The following PSMD3 variants were observed in gnomAD, a reference collection of about 807,000 sequenced individuals.
The protein encoded by PSMD3 is 26S proteasome non-ATPase regulatory subunit 3.
A neutral mutation model predicts 62.8 loss-of-function variants in PSMD3; 5 were observed. The observed-to-expected ratio is 0.08, with a 90% CI of 0.04 to 0.17. PSMD3 has a LOEUF of 0.17. Ranked by LOEUF, PSMD3 falls within the 10% of genes least tolerant of loss-of-function variation. PSMD3 has a pLI of 1.00. For synonymous variants in PSMD3, 265 were observed against 283.9 expected, an observed-to-expected ratio of 0.93 and a Z score of 0.67; for missense variants, 524 against 713.6, an observed-to-expected ratio of 0.73 and a Z score of 3.03.
In PSMD3 at chr17:39,986,613, C is replaced by T; in HGVS notation, c.450C>T (p.Arg150=). Residue 150 remains arginine, a synonymous_variant, in exon 3 of 12, where the codon CGC becomes CGT. Coordinates refer to ENST00000264639, the MANE Select transcript of PSMD3 (RefSeq NM_002809.4). ...DTEADLQFRP[R]TGKAASTPLL... is the part of the protein sequence containing the mutation. ...AGGCTGATTTACAGTTCCGTCCCCG[C>T]ACGGGAAAAGCTGCGTCGACACCCC... 2 of 1,614,148 alleles carry T rather than the reference C, an allele frequency of 1.2e-6. No homozygotes were observed. Among genetic ancestry groups the T allele is most frequent in the Non-Finnish European group, 1.7e-6 (2 of 1,180,018 alleles).
intron 1 of PSMD3, 66 bp downstream of exon 1, chr17:39,981,256 C>T (rs1421793424): frequency 6.5e-7 from 1 of 1,542,726 alleles, no homozygotes; most frequent in African/African-American, 1.4e-5. Context: ...GATTTGGCTT[C>T]TTGCTGGGAA....
intron 10 of PSMD3, 34 bp from the exon 11 acceptor site, chr17:39,997,296 C>G (rs752339197): frequency 1.2e-6 from 2 of 1,609,534 alleles, no homozygotes; most frequent in Non-Finnish European, 1.7e-6. Flanking sequence ...CTGCTTCCTT[C>G]CCTCGCTCAT....
At chr17:39,994,551 C>CG (rs548122318) in intron 6 of PSMD3, 669 of 241,428 alleles carry the variant, frequency 2.8e-3, no homozygotes, top group Non-Finnish European at 4.2e-3. Flanking sequence ...TAGTAACAGT[C>CG]CGCCTCCCTA....
rs759883436 is a variant in PSMD3 at position 39,984,374 on chromosome 17, C to A, written c.301C>A (p.Leu101Met). ...PRFVLRALRM[L>M]PSTSRRLNHY... Reference sequence around the variant, plus strand: ...ATTCGTGCTGCGGGCCCTGCGGATGCTGCCTTCCACATCACGCCGCCTCAA... The same window carrying A: ...ATTCGTGCTGCGGGCCCTGCGGATGATGCCTTCCACATCACGCCGCCTCAA... Residue 101 changes from leucine to methionine, a missense_variant, in exon 2 of 12, where the codon CTG becomes ATG. Physicochemically the swap from Leu to Met is conservative, Grantham distance 15. Transcript: ENST00000264639. The A allele has an allele frequency of 3.2e-5, 52 of 1,613,718 alleles. No homozygotes were observed. In the Admixed American group the frequency reaches 8.2e-4, roughly 25 times the overall value.
chr17:39,996,438 C>A lies in PSMD3; in HGVS notation c.1476+100C>A. ...GAAGACTGGCTTAATTTGTGGCCCA[C>A]GTCCCAGCCAATCTCTGTAAAATCA... On this transcript the variant is annotated intron_variant, in intron 10 of 11. Coordinates refer to ENST00000264639, the MANE Select transcript of PSMD3 (RefSeq NM_002809.4). This position sits in a 1 kb window ranked among gnomAD's most constrained non-coding sequence, Gnocchi z 5.1. The A allele has an allele frequency of 6.9e-7, 1 of 1,443,104 alleles. No individual in the cohort carries two copies. Among genetic ancestry groups the A allele is most frequent in the Non-Finnish European group, 9.5e-7 (1 of 1,056,956 alleles). 89.4% of individuals were successfully genotyped at this position (1,443,104 alleles called of 1,614,324 possible).
chr17:39,984,233 C>T, intron 1 of PSMD3, 61 bp from the exon 2 acceptor site: 2 of 1,020,790 alleles, frequency 2.0e-6, no homozygotes, highest in Non-Finnish European at 2.8e-6. Context: ...GAACTCCTTG[C>T]CTGGAGTGGT....
chr17:39,989,618 G>A, intron 4 of PSMD3, 121 bp from the exon 5 acceptor site: 1 of 978,280 alleles, frequency 1.0e-6, no homozygotes, highest in Non-Finnish European at 1.5e-6. Context: ...ACAGTATTCA[G>A]CAAATAACCA....
intron 11 of PSMD3, 45 bp from the exon 12 acceptor site, chr17:39,997,459 G>A (rs1980812097): frequency 1.7e-6 from 2 of 1,173,798 alleles, no homozygotes; most frequent in Non-Finnish European, 2.3e-6. Flanking sequence ...GTCTGGAAGG[G>A]CTGAGCTGCT....
At chr17:39,989,192 C>T (rs573168892) in intron 4 of PSMD3, among the ~76,000 whole-genome samples, 4 of 152,202 alleles carry the variant, frequency 2.6e-5, no homozygotes, top group South Asian at 2.1e-4. Context: ...TAAGGCCTGA[C>T]GTGATCTGCT....
Position 39,981,035 on chromosome 17 carries a change from G to A in PSMD3, c.65G>A (p.Gly22Glu), listed in dbSNP as rs1980367972. The change falls in exon 1 of 12, where the codon GGA becomes GAA. Residue 22 changes from glycine to glutamate, a missense_variant. Gly to Glu is a moderately conservative substitution (Grantham distance 98, BLOSUM62 -2). This residue lies in a region of PSMD3 where 396 missense variants were observed against 475.8 expected (regional missense o/e 0.83). Transcript: ENST00000264639. ...ADKAKPPPGGGEQEPPPPPAP... is the reference protein window; with the variant it reads ...ADKAKPPPGGEEQEPPPPPAP... ...AAGGCGAAACCGCCGCCCGGCGGAG[G>A]AGAACAAGAACCCCCACCGCCGCCG... 24 of 1,549,354 alleles carry A rather than the reference G, an allele frequency of 1.5e-5. No individual in the cohort carries two copies. Among genetic ancestry groups the A allele is most frequent in the Non-Finnish European group, 2.0e-5 (23 of 1,146,660 alleles).
At chr17:39,984,779 C>G (rs1025585301) in intron 2 of PSMD3, among the ~76,000 whole-genome samples, 4 of 152,154 alleles carry the variant, frequency 2.6e-5, no homozygotes, top group African/African-American at 4.8e-5. Context: ...CTCTGTTGTT[C>G]TAGGAGAGAG....
rs779596672 is a variant in PSMD3, at chr17:39,995,556, C to G, written c.1320+29C>G. 49 of 1,574,994 alleles carry G rather than the reference C, an allele frequency of 3.1e-5. No individual in the cohort carries two copies. The highest frequency in any genetic ancestry group is 4.3e-5 in the Non-Finnish European group (49 of 1,144,822). ...GGGCTGGTTCAGGAACCACAGTGAC[C>G]AGGTTGTCACTTTCCTGCCAATCTC... On this transcript the variant is annotated intron_variant, in intron 9 of 11. Transcript: ENST00000264639. The surrounding 1 kb of genome is among the most constrained non-coding windows in gnomAD (Gnocchi z 4.1).
chr17:39,986,361 G>C (rs548581504), intron 2 of PSMD3, among the ~76,000 whole-genome samples: 3 of 152,332 alleles, frequency 2.0e-5, no homozygotes, highest in South Asian at 4.1e-4. Flanking sequence ...CTTCCAGGTA[G>C]CTGGCACTAC....
chr17:39,991,797 T>G (rs547757645), intron 6 of PSMD3, among the ~76,000 whole-genome samples: 47 of 152,214 alleles, frequency 3.1e-4, no homozygotes, highest in Admixed American at 1.8e-3. Flanking sequence ...CCTAGCACTT[T>G]GGGAGGCTGT....
Position 39,995,133 on chromosome 17 carries a change from G to C in PSMD3, c.1097-43G>C. The stretch of plus-strand genomic sequence containing the variant: ...CTTCAGTGGGGCCTCTTACATGCCT[G>C]TGCCTATTTGCATCATCCAATCTAC... On this transcript the variant is annotated intron_variant, in intron 7 of 11. Coordinates refer to ENST00000264639, the MANE Select transcript of PSMD3 (RefSeq NM_002809.4). The surrounding 1 kb of genome is among the most constrained non-coding windows in gnomAD (Gnocchi z 4.1). 2 of 1,614,046 alleles carry C rather than the reference G, an allele frequency of 1.2e-6. No homozygotes were observed. The highest frequency in any genetic ancestry group is 8.5e-7 in the Non-Finnish European group (1 of 1,179,998).
At chr17:39,992,040 T>C (rs1452930642) in intron 6 of PSMD3, among the ~76,000 whole-genome samples, 1 of 120,336 alleles carries the variant, frequency 8.3e-6, no homozygotes, top group Non-Finnish European at 1.9e-5. Flanking sequence ...AAAACAAACA[T>C]TAAAATTGAA....
At chr17:39,989,192 C>A (rs573168892) in intron 4 of PSMD3, among the ~76,000 whole-genome samples, 1 of 152,320 alleles carries the variant, frequency 6.6e-6, no homozygotes, top group Non-Finnish European at 1.5e-5. Context: ...TAAGGCCTGA[C>A]GTGATCTGCT....
chr17:39,985,140 A>G (rs960364404), intron 2 of PSMD3, among the ~76,000 whole-genome samples: 8 of 152,096 alleles, frequency 5.3e-5, no homozygotes, highest in Admixed American at 6.6e-5. Context: ...AGGCAGGAGG[A>G]TCACTTGAAT....
At position 39,997,851 on chromosome 17, in the gene PSMD3, TTC is replaced by T; in HGVS notation, c.*272_*273del. ...TGTGGGAGCAGGAGGGGAAGGATAG[TTC>T]TGTGTACTCCTTTAGGGAGTGGGGG... is the stretch of plus-strand genomic sequence containing the variant. On this transcript the variant is annotated 3_prime_UTR_variant, in exon 12 of 12. Transcript: ENST00000264639. 3 of 542,906 alleles carry T rather than the reference TTC, an allele frequency of 5.5e-6. No homozygotes were observed. Among genetic ancestry groups the T allele is most frequent in the Non-Finnish European group, 1.0e-5 (3 of 299,776 alleles). The allele number at this position is 542,906 out of a possible 1,614,324, so 33.6% of individuals were successfully genotyped here. A position where few individuals can be genotyped will look rare whatever the true frequency, so the allele number is the denominator to read the frequency against.
Sources: gnomAD v4.1 joint callset for allele counts (sites outside exome capture counted in the v4.1 genomes callset) on GRCh38, gnomAD v4.1.1 for gene constraint, gnomAD v4.1.1 regional missense constraint, Gnocchi (gnomAD v3.1) non-coding constraint, MANE v1.5 for transcripts, NCBI Gene and HGNC (gene_info 2026-07-23, HGNC 2026-07-21) for gene names.